Variants in SLC25A29 observed in about 807,000 individuals in gnomAD.
SLC25A29 encodes mitochondrial basic amino acids transporter.
In SLC25A29, 13 loss-of-function variants were observed where a neutral mutation model predicts 10.0. The ratio of observed to expected loss-of-function variants is 1.30; its 90% CI spans 0.85 to 2.07. SLC25A29 has a LOEUF of 2.07. Among genes scored for constraint, SLC25A29 ranks in the 30% most tolerant of loss-of-function variants. The probability of loss-of-function intolerance (pLI) is 0.00; values close to 1 mark genes in which losing one functional copy is unlikely to be tolerated. For missense variants in SLC25A29, 475 were observed against 447.6 expected (o/e 1.06, Z -0.55); for synonymous variants, 244 against 221.1 (o/e 1.10, Z -0.92).
chr14:100,298,608 C>T, intron 2 of SLC25A29: 2 of 593,682 alleles, frequency 3.4e-6, no homozygotes, highest in Non-Finnish European at 6.0e-6. Context: ...AAAACCTCAG[C>T]ACCTCGGTTC....
At chr14:100,301,432 T>C (rs1438467860) in intron 1 of SLC25A29, among the ~76,000 whole-genome samples, 1 of 152,232 alleles carries the variant, frequency 6.6e-6, no homozygotes, top group East Asian at 1.9e-4. Flanking sequence ...CCCAAAGTGC[T>C]GGGATTACAG....
chr14:100,297,229 C>A (rs112397934), intron 2 of SLC25A29, among the ~76,000 whole-genome samples: 1 of 152,200 alleles, frequency 6.6e-6, no homozygotes, highest in Non-Finnish European at 1.5e-5. Context: ...TCTCAAAGAC[C>A]ACCCTCCAGA....
chr14:100,287,636 C>A (rs550074430), downstream of SLC25A29, among the ~76,000 whole-genome samples: 7 of 110,120 alleles, frequency 6.4e-5, no homozygotes, highest in East Asian at 9.5e-4. Flanking sequence ...CCACCCCCCC[C>A]CTCCGAATTC....
At chr14:100,304,030 G>A (rs1892743330) in intron 1 of SLC25A29, among the ~76,000 whole-genome samples, 1 of 152,152 alleles carries the variant, frequency 6.6e-6, no homozygotes, top group Admixed American at 6.5e-5. Context: ...AAGGCCTCAA[G>A]GATGCTGTCA....
chr14:100,297,715 G>A (rs929472173), intron 2 of SLC25A29, among the ~76,000 whole-genome samples: 1 of 152,246 alleles, frequency 6.6e-6, no homozygotes, highest in African/African-American at 2.4e-5. Context: ...TGCCTGCCAA[G>A]AAAGCCTGGC....
chr14:100,295,880 C>T (rs753793967), intron 2 of SLC25A29: 41 of 1,289,646 alleles, frequency 3.2e-5, no homozygotes, highest in Non-Finnish European at 3.6e-5. Flanking sequence ...GGAAGCAGGA[C>T]AGAAAACTCC....
At position 100,292,195 on chromosome 14, in the gene SLC25A29, C is replaced by A. The variant is rs1402870667; in HGVS notation, c.*88G>T. 6.7e-7 allele frequency: 1 copy of A among 1,486,800 alleles called. No homozygotes were observed. The highest frequency in any genetic ancestry group is 9.0e-7 in the Non-Finnish European group (1 of 1,106,996). 92.1% of individuals were successfully genotyped at this position (1,486,800 alleles called of 1,614,324 possible). A position where few individuals can be genotyped will look rare whatever the true frequency, so the allele number is the denominator to read the frequency against. ...ATAGACTCCACAGCTCGCAGCATCC[C>A]AGCAGGAAGCAGGGCAATCGACTCA... is the stretch of plus-strand genomic sequence containing the variant. On this transcript the variant is annotated 3_prime_UTR_variant, in exon 4 of 4. Transcript: ENST00000359232.
intron 1 of SLC25A29, among the ~76,000 whole-genome samples, chr14:100,302,741 T>C (rs1342834441): frequency 6.6e-6 from 1 of 151,814 alleles, no homozygotes; most frequent in Non-Finnish European, 1.5e-5. Flanking sequence ...GTCCTCTGGC[T>C]TTCAGTGCTG....
At chr14:100,300,900 ATTTATTT>A (rs1373193118) in intron 1 of SLC25A29, among the ~76,000 whole-genome samples, 3 of 151,072 alleles carry the variant, frequency 2.0e-5, no homozygotes, top group Non-Finnish European at 3.0e-5. Context: ...CCTTTCTTTT[ATTTATTT>A]TTTATTTTTT....
chr14:100,288,304 C>A (rs917335491), downstream of SLC25A29, among the ~76,000 whole-genome samples: 2 of 134,442 alleles, frequency 1.5e-5, no homozygotes, highest in Admixed American at 1.8e-4. Context: ...ATCACTTGAA[C>A]CTGGGAGGTG....
chr14:100,292,002 A>C lies in SLC25A29; in HGVS notation c.*281T>G. The C allele has an allele frequency of 8.5e-6, 4 of 468,552 alleles. No individual in the cohort carries two copies. In the South Asian group the frequency reaches 8.8e-5, roughly 10 times the overall value. 29.0% of individuals were successfully genotyped at this position (468,552 alleles called of 1,614,324 possible). A position where few individuals can be genotyped will look rare whatever the true frequency, so the allele number is the denominator to read the frequency against. The stretch of plus-strand genomic sequence containing the variant: ...GCCTCAGTTTCCAGGATAACGGTGC[A>C]ATGGCCTCAGCCAGGCCAGGTGCTG... On this transcript the variant is annotated 3_prime_UTR_variant, in exon 4 of 4. Transcript: ENST00000359232.
the SLC25A29 span, chr14:100,280,032 A>T: frequency 6.6e-6 from 1 of 152,254 alleles, no homozygotes; most frequent in Non-Finnish European, 1.5e-5. Flanking sequence ...ACGTCTTCTC[A>T]GTCTGCAGAG....
chr14:100,295,782 C>G, intron 2 of SLC25A29: 1 of 1,289,576 alleles, frequency 7.8e-7, no homozygotes, highest in African/African-American at 1.5e-5. Flanking sequence ...CAGCCCCCAC[C>G]CACACTCCCC....
In SLC25A29 at chr14:100,292,793, C is replaced by G; in HGVS notation, c.402G>C (p.Ser134=). Residue 134 remains serine (S), a synonymous_variant, in exon 4 of 4, where the codon TCG becomes TCC. Transcript: ENST00000359232. The part of the protein sequence containing the change: ...DAGPARTYKG[S]LDCLAQIYGH... ...CGTAGATCTGCGCGAGGCAGTCCAG[C>G]GAGCCCTTGTAGGTGCGCGCTGGGC... 1 of 1,595,372 alleles carries G rather than the reference C, an allele frequency of 6.3e-7. No individual in the cohort carries two copies. The highest frequency in any genetic ancestry group is 8.5e-7 in the Non-Finnish European group (1 of 1,172,876).
At chr14:100,286,612 C>A (rs973922637), downstream of SLC25A29, among the ~76,000 whole-genome samples, 1 of 152,224 alleles carries the variant, frequency 6.6e-6, no homozygotes, top group Non-Finnish European at 1.5e-5. Flanking sequence ...AGCCTCTGCC[C>A]TATCTCTGCT....
chr14:100,286,528 G>A (rs547168741), downstream of SLC25A29, among the ~76,000 whole-genome samples: 25 of 148,518 alleles, frequency 1.7e-4, no homozygotes, highest in African/African-American at 5.6e-4. Context: ...CATTCCCCAC[G>A]ATCCTGGGGG....
the SLC25A29 span, chr14:100,281,640 TACAGG>T: frequency 6.2e-4 from 95 of 152,334 alleles, no homozygotes; most frequent in African/African-American, 2.2e-3. Flanking sequence ...TCTCTGACTT[TACAGG>T]ACAAAAGGTA....
chr14:100,285,568 A>AGCCGCCGCCGCC, the SLC25A29 span, among the ~76,000 whole-genome samples: 1 of 151,506 alleles, frequency 6.6e-6, no homozygotes, highest in Non-Finnish European at 1.5e-5. Context: ...GGTCCCCGCG[A>AGCCGCCGCCGCC]GCCGCCGCCG....
intron 1 of SLC25A29, chr14:100,305,767 C>G (rs572296772): frequency 2.4e-4 from 40 of 164,770 alleles, no homozygotes; most frequent in Non-Finnish European, 4.6e-4. Flanking sequence ...GCCCCAACCC[C>G]GCTGGATGGC....
Sources: gnomAD v4.1 joint callset for allele counts (sites outside exome capture counted in the v4.1 genomes callset) on GRCh38, gnomAD v4.1.1 for gene constraint, MANE v1.5 for transcripts, NCBI Gene and HGNC (gene_info 2026-07-23, HGNC 2026-07-21) for gene names.